The following XKR4 variants were observed in gnomAD, a reference collection of about 807,000 sequenced individuals.
XKR4 encodes XK related 4.
In XKR4, 12 loss-of-function variants were observed where a neutral mutation model predicts 53.9. That is an observed-to-expected ratio of 0.22 (90% CI 0.14 to 0.36). The LOEUF (loss-of-function observed/expected upper bound fraction) is 0.36, where lower values mean the gene tolerates loss of function less well. XKR4 is among the 10% of genes least tolerant of loss of function. XKR4 has a pLI of 1.00. For missense variants in XKR4, 799 were observed against 859.5 expected, an observed-to-expected ratio of 0.93 and a Z score of 0.88; for synonymous variants, 354 against 362.4, an observed-to-expected ratio of 0.98 and a Z score of 0.26.
chr8:55,199,688 T>A (rs950547412), intron 1 of XKR4, among the ~76,000 whole-genome samples: 12 of 152,170 alleles, frequency 7.9e-5, no homozygotes, highest in African/African-American at 2.9e-4. Context: ...CAGCTATGGA[T>A]CACTAACATT....
intron 1 of XKR4, among the ~76,000 whole-genome samples, chr8:55,247,855 C>CTTTCTTTCTTTCTTTCTTTCTTTCTTTTT (rs369983175): frequency 1.7e-5 from 1 of 59,856 alleles, no homozygotes; most frequent in Non-Finnish European, 4.5e-5. Context: ...TTCTTTCTTT[C>CTTTCTTTCTTTCTTTCTTTCTTTCTTTTT]TTTTTTTTTT....
chr8:55,432,288 C>G (rs1419097548), intron 2 of XKR4, among the ~76,000 whole-genome samples: 1 of 152,214 alleles, frequency 6.6e-6, no homozygotes, highest in East Asian at 1.9e-4. Flanking sequence ...ATTTTAACCT[C>G]TCTGCATTTG....
Position 55,353,518 on chromosome 8 carries a change from C to A in XKR4, c.807-4160C>A, listed in dbSNP as rs75481025. On this transcript the variant is annotated intron_variant, in intron 1 of 2. Transcript: ENST00000327381. Reference sequence around the variant, plus strand: ...TCAGGAGGAATGAACTCTGATGACACCCTGATTTCAGACTTCCAGTCTTCA... The same window carrying A: ...TCAGGAGGAATGAACTCTGATGACAACCTGATTTCAGACTTCCAGTCTTCA... Among the ~76,000 whole-genome samples, 22 of 152,294 alleles carry A rather than the reference C, an allele frequency of 1.4e-4. No homozygotes were observed. In the East Asian group the frequency reaches 4.2e-3, roughly 29 times the overall value.
At chr8:55,334,902 T>TAGA (rs1803437430) in intron 1 of XKR4, among the ~76,000 whole-genome samples, 1 of 152,214 alleles carries the variant, frequency 6.6e-6, no homozygotes, top group Admixed American at 6.5e-5. Flanking sequence ...TTTGCTAATG[T>TAGA]AGATACTGTT....
intron 2 of XKR4, among the ~76,000 whole-genome samples, chr8:55,466,027 C>A (rs868187244): frequency 9.8e-4 from 149 of 151,802 alleles, no homozygotes; most frequent in African/African-American, 2.4e-3. Context: ...GAACACTTTT[C>A]CACTGTTGGT....
intron 1 of XKR4, among the ~76,000 whole-genome samples, chr8:55,178,731 T>C (rs1424168685): frequency 6.6e-6 from 1 of 152,162 alleles, no homozygotes; most frequent in African/African-American, 2.4e-5. Flanking sequence ...ATTTCCTCAT[T>C]TGCAACATAA....
intron 1 of XKR4, among the ~76,000 whole-genome samples, chr8:55,204,833 C>A (rs1480838849): frequency 6.6e-6 from 1 of 152,046 alleles, no homozygotes; most frequent in East Asian, 1.9e-4. Context: ...ATAGAAATGA[C>A]AAAATGGAAG....
At chr8:55,507,284 T>A (rs1806549158) in intron 2 of XKR4, among the ~76,000 whole-genome samples, 2 of 152,226 alleles carry the variant, frequency 1.3e-5, no homozygotes, top group Admixed American at 6.5e-5. Flanking sequence ...AGCACCCCTA[T>A]ACATATATTT....
At chr8:55,118,997 A>T (rs1479692620) in intron 1 of XKR4, among the ~76,000 whole-genome samples, 1 of 152,112 alleles carries the variant, frequency 6.6e-6, no homozygotes, top group South Asian at 2.1e-4. Context: ...ATGTAGTTAT[A>T]TAGGTTAGGA....
chr8:55,419,954 G>A (rs1297595688), intron 2 of XKR4, among the ~76,000 whole-genome samples: 2 of 152,176 alleles, frequency 1.3e-5, no homozygotes, highest in African/African-American at 2.4e-5. Flanking sequence ...AATGATAAAA[G>A]GACTTTGACG....
At chr8:55,362,687 T>C (rs1177468278) in intron 2 of XKR4, among the ~76,000 whole-genome samples, 1 of 152,214 alleles carries the variant, frequency 6.6e-6, no homozygotes, top group Non-Finnish European at 1.5e-5. Context: ...CAAGAACCTG[T>C]AAAATGAGCA....
At chr8:55,324,717 G>A (rs1306705085) in intron 1 of XKR4, among the ~76,000 whole-genome samples, 2 of 152,158 alleles carry the variant, frequency 1.3e-5, no homozygotes, top group African/African-American at 4.8e-5. Flanking sequence ...ATATGTGTAT[G>A]TCTAATTTCT....
At chr8:55,469,970 A>G (rs1260503022) in intron 2 of XKR4, among the ~76,000 whole-genome samples, 2 of 152,140 alleles carry the variant, frequency 1.3e-5, no homozygotes, top group Non-Finnish European at 2.9e-5. Context: ...GCAGTCTTGG[A>G]GAAGGAATTA....
chr8:55,307,518 T>G (rs539381981), intron 1 of XKR4, among the ~76,000 whole-genome samples: 5 of 151,904 alleles, frequency 3.3e-5, no homozygotes, highest in Admixed American at 6.6e-5. Context: ...TAGCCAGACA[T>G]GGTGGCACAT....
intron 2 of XKR4, among the ~76,000 whole-genome samples, chr8:55,374,696 A>G (rs942255580): frequency 6.6e-6 from 1 of 152,106 alleles, no homozygotes; most frequent in African/African-American, 2.4e-5. Context: ...ACCTGTGGAG[A>G]TGAGAGCTGA....
intron 2 of XKR4, among the ~76,000 whole-genome samples, chr8:55,434,366 G>A (rs2129393932): frequency 6.6e-6 from 1 of 152,016 alleles, no homozygotes; most frequent in African/African-American, 2.4e-5. Context: ...AATTTAATAT[G>A]AGTTTGAAAA....
chr8:55,473,788 CTCTTTCCTTCCTTCCTTCCT>C (rs1341196706), intron 2 of XKR4, among the ~76,000 whole-genome samples: 8 of 151,128 alleles, frequency 5.3e-5, no homozygotes, highest in Non-Finnish European at 1.2e-4. Context: ...ACAACAGATT[CTCTTTCCTTCCTTCCTTCCT>C]TCTTTCCTCC....
chr8:55,370,945 A>G (rs1804061966), intron 2 of XKR4, among the ~76,000 whole-genome samples: 1 of 151,962 alleles, frequency 6.6e-6, no homozygotes, highest in African/African-American at 2.4e-5. Context: ...GGCAAGACAG[A>G]TACAAAGACA....
rs1016110229 is a variant in XKR4 at position 55,195,424 on chromosome 8, TATA to T, written c.806+92131_806+92133del. 9.1e-5 allele frequency among the ~76,000 whole-genome samples: 9 copies of T among 98,780 alleles called. 1 individual carries two copies. The highest frequency in any genetic ancestry group is 3.1e-4 in the African/African-American group (9 of 29,472). 64.8% of individuals were successfully genotyped at this position (98,780 alleles called of 152,430 possible). A position where few individuals can be genotyped will look rare whatever the true frequency, so the allele number is the denominator to read the frequency against. ...TGATCAATTAGTTTTTTAAATAAAATATACTATTATATATAACATATATTTTAG... is the reference window on the plus strand; with the variant it reads ...TGATCAATTAGTTTTTTAAATAAAATCTATTATATATAACATATATTTTAG... On this transcript the variant is annotated intron_variant, in intron 1 of 2. Coordinates refer to ENST00000327381, the MANE Select transcript of XKR4 (RefSeq NM_052898.2).
Sources: allele counts gnomAD v4.1 joint callset (sites outside exome capture counted in the v4.1 genomes callset), GRCh38; gene constraint gnomAD v4.1.1; transcripts MANE v1.5; gene names NCBI Gene and HGNC (gene_info 2026-07-23, HGNC 2026-07-21).